Variants in PPARGC1A observed in about 807,000 individuals in gnomAD.
The protein encoded by PPARGC1A is PPARG coactivator 1 alpha, also known as peroxisome proliferator-activated receptor gamma coactivator 1-alpha.
In PPARGC1A, 25 loss-of-function variants were observed where a neutral mutation model predicts 88.7. The observed-to-expected ratio is 0.28, with a 90% CI of 0.21 to 0.39. PPARGC1A has a LOEUF of 0.39. Ranked by LOEUF, PPARGC1A falls within the 10% of genes least tolerant of loss-of-function variation. The pLI, the probability that PPARGC1A is intolerant of heterozygous loss-of-function variation, is 1.00. For missense variants in PPARGC1A, 880 were observed against 968.7 expected (o/e 0.91, Z 1.22); for synonymous variants, 363 against 355.6 (o/e 1.02, Z -0.24).
the PPARGC1A span, among the ~76,000 whole-genome samples, chr4:24,366,761 C>G: frequency 1.3e-5 from 2 of 152,050 alleles, no homozygotes; most frequent in Non-Finnish European, 2.9e-5. Flanking sequence ...AATTAGAAAC[C>G]AACAAAACCT....
chr4:24,066,498 T>C, the PPARGC1A span, among the ~76,000 whole-genome samples: 1 of 152,278 alleles, frequency 6.6e-6, no homozygotes, highest in South Asian at 2.1e-4. Flanking sequence ...CAGCCCTCTG[T>C]CCATCTCTGA....
chr4:24,148,341 T>G, the PPARGC1A span, among the ~76,000 whole-genome samples: 1 of 152,182 alleles, frequency 6.6e-6, no homozygotes. Flanking sequence ...CCTTCCTTCA[T>G]GGTCCTGCTC....
At chr4:24,284,104 G>T in the PPARGC1A span, among the ~76,000 whole-genome samples, 1 of 137,428 alleles carries the variant, frequency 7.3e-6, no homozygotes, top group African/African-American at 2.8e-5. Context: ...CCAACATGGT[G>T]AAACCCCACC....
At chr4:24,041,163 G>A in the PPARGC1A span, among the ~76,000 whole-genome samples, 1 of 152,144 alleles carries the variant, frequency 6.6e-6, no homozygotes, top group Admixed American at 6.6e-5. Flanking sequence ...CTGGGAGACT[G>A]ACCTTTAAAG....
At chr4:24,343,662 C>G in the PPARGC1A span, among the ~76,000 whole-genome samples, 1 of 152,012 alleles carries the variant, frequency 6.6e-6, no homozygotes. Context: ...ATTTGACTTT[C>G]TGGATTAAAG....
At chr4:24,057,438 A>G in the PPARGC1A span, among the ~76,000 whole-genome samples, 1 of 143,638 alleles carries the variant, frequency 7.0e-6, no homozygotes, top group South Asian at 2.3e-4. Flanking sequence ...TGTACACTTC[A>G]AAAAGGCTAA....
At chr4:24,039,510 A>C in the PPARGC1A span, among the ~76,000 whole-genome samples, 1 of 152,256 alleles carries the variant, frequency 6.6e-6, no homozygotes, top group Non-Finnish European at 1.5e-5. Context: ...CCCTTGCTTT[A>C]TGTATGAGGA....
the PPARGC1A span, among the ~76,000 whole-genome samples, chr4:24,159,206 C>CTTTT: frequency 1.6e-3 from 175 of 109,864 alleles, 4 homozygotes; most frequent in African/African-American, 5.9e-3. Context: ...GGAAATTAAC[C>CTTTT]TTTTTTTTTT....
At chr4:24,432,222 A>G in the PPARGC1A span, among the ~76,000 whole-genome samples, 1 of 152,234 alleles carries the variant, frequency 6.6e-6, no homozygotes, top group African/African-American at 2.4e-5. Context: ...GAAGTCCAGT[A>G]TACAGGTGAA....
rs772347788 is a variant in PPARGC1A at position 23,795,787 on chromosome 4, C to T, written c.*35G>A. 60 of 1,501,220 alleles carry T rather than the reference C, an allele frequency of 4.0e-5. No individual in the cohort carries two copies. The Middle Eastern group carries it at 5.2e-4, about 13-fold the overall frequency. The allele number at this position is 1,501,220 out of a possible 1,614,324, so 93.0% of individuals were successfully genotyped here. A position where few individuals can be genotyped will look rare whatever the true frequency, so the allele number is the denominator to read the frequency against. ...AGGACGCGCTGTCCCATGAGGTATT[C>T]GCCATCCCTCTGTCATCCTCAGCTA... On this transcript the variant is annotated 3_prime_UTR_variant, in exon 13 of 13. Coordinates refer to ENST00000264867, the MANE Select transcript of PPARGC1A (RefSeq NM_013261.5).
At chr4:24,353,794 T>G in the PPARGC1A span, among the ~76,000 whole-genome samples, 2 of 152,186 alleles carry the variant, frequency 1.3e-5, no homozygotes, top group Non-Finnish European at 2.9e-5. Context: ...TTGAAACACA[T>G]CAGAGTCAGA....
the PPARGC1A span, among the ~76,000 whole-genome samples, chr4:24,121,489 A>G: frequency 6.6e-6 from 1 of 152,060 alleles, no homozygotes; most frequent in Admixed American, 6.6e-5. Flanking sequence ...GGACTGAACA[A>G]GTACCACTGA....
chr4:23,991,926 G>A, the PPARGC1A span, among the ~76,000 whole-genome samples: 4 of 152,212 alleles, frequency 2.6e-5, no homozygotes, highest in Admixed American at 6.6e-5. Context: ...CTCAAAGCAC[G>A]AAACAGTTTG....
the PPARGC1A span, among the ~76,000 whole-genome samples, chr4:24,472,675 C>CGCCGCCGCCGCCGCT: frequency 2.0e-5 from 3 of 151,932 alleles, no homozygotes; most frequent in Non-Finnish European, 4.4e-5. This position sits in a 1 kb window ranked among gnomAD's most constrained non-coding sequence, Gnocchi z 4.5. Flanking sequence ...CCGCCGCCGC[C>CGCCGCCGCCGCCGCT]GCCGCCGCCG....
the PPARGC1A span, among the ~76,000 whole-genome samples, chr4:24,166,557 C>G: frequency 2.0e-5 from 3 of 152,286 alleles, no homozygotes; most frequent in African/African-American, 7.2e-5. Context: ...GAGTTGGTGA[C>G]TTTAAGTTGA....
At chr4:24,446,660 G>C in the PPARGC1A span, among the ~76,000 whole-genome samples, 1 of 149,000 alleles carries the variant, frequency 6.7e-6, no homozygotes, top group Non-Finnish European at 1.5e-5. Context: ...GCAGTGGTGC[G>C]ATCTTGGCTG....
At chr4:23,801,671 G>C in intron 12 of PPARGC1A, 59 bp downstream of exon 12, 1 of 1,579,470 alleles carries the variant, frequency 6.3e-7, no homozygotes, top group Non-Finnish European at 8.7e-7. Flanking sequence ...GATTATGTTT[G>C]TTCCCATCTT....
the PPARGC1A span, among the ~76,000 whole-genome samples, chr4:24,254,189 T>C: frequency 2.0e-5 from 3 of 152,208 alleles, no homozygotes; most frequent in Non-Finnish European, 4.4e-5. Context: ...CTGCCTGGTA[T>C]CTTCTAAGTT....
the PPARGC1A span, among the ~76,000 whole-genome samples, chr4:23,969,825 A>G: frequency 0.025 from 3,802 of 152,254 alleles, 156 homozygotes; most frequent in South Asian, 0.16. Flanking sequence ...GCATCGAAAC[A>G]TGGATTACAC....
Sources: gnomAD v4.1 joint callset for allele counts (sites outside exome capture counted in the v4.1 genomes callset) on GRCh38, gnomAD v4.1.1 for gene constraint, Gnocchi (gnomAD v3.1) non-coding constraint, MANE v1.5 for transcripts, NCBI Gene and HGNC (gene_info 2026-07-23, HGNC 2026-07-21) for gene names.